Variants in SPMIP4 observed in about 807,000 individuals in gnomAD.
SPMIP4 encodes the protein sperm-associated microtubule inner protein 4.
At chr7:25,128,216 TTA>T in the SPMIP4 span, among the ~76,000 whole-genome samples, 1 of 152,202 alleles carries the variant, frequency 6.6e-6, no homozygotes, top group African/African-American at 2.4e-5. The surrounding 1 kb of genome is among the most constrained non-coding windows in gnomAD (Gnocchi z 4.5). Context: ...CTACAGTAGC[TTA>T]TGTTTCCTCA....
the SPMIP4 span, among the ~76,000 whole-genome samples, chr7:25,178,172 T>A: frequency 2.6e-5 from 4 of 152,242 alleles, no homozygotes. Context: ...TATTCCATGG[T>A]GTATATGTAC....
At chr7:25,168,344 G>A in the SPMIP4 span, 53,144 of 1,611,934 alleles carry the variant, frequency 0.033, 1,443 homozygotes, top group East Asian at 0.16. Flanking sequence ...CCCATGACAC[G>A]AGGAGGCTCA....
chr7:25,170,469 T>C, the SPMIP4 span, among the ~76,000 whole-genome samples: 1 of 152,246 alleles, frequency 6.6e-6, no homozygotes, highest in East Asian at 1.9e-4. Flanking sequence ...TTTTCTCCTG[T>C]TCTGTGCAAT....
the SPMIP4 span, among the ~76,000 whole-genome samples, chr7:25,145,989 A>T: frequency 6.6e-6 from 1 of 152,084 alleles, no homozygotes; most frequent in African/African-American, 2.4e-5. Context: ...AGGGGAGGTT[A>T]AAAGGTTTAC....
At chr7:25,135,995 T>C in the SPMIP4 span, 11 of 1,606,750 alleles carry the variant, frequency 6.8e-6, no homozygotes, top group Non-Finnish European at 8.5e-7. Flanking sequence ...TAATAGGAAT[T>C]ATGGCCATAG....
the SPMIP4 span, among the ~76,000 whole-genome samples, chr7:25,159,669 G>A: frequency 6.6e-6 from 1 of 152,154 alleles, no homozygotes; most frequent in African/African-American, 2.4e-5. Context: ...ATCCTGTAAT[G>A]TATTATAAAC....
chr7:25,150,193 C>T, the SPMIP4 span, among the ~76,000 whole-genome samples: 1 of 152,004 alleles, frequency 6.6e-6, no homozygotes, highest in Non-Finnish European at 1.5e-5. Flanking sequence ...AGGATGGCTG[C>T]CAAGGAATGT....
chr7:25,141,345 G>C, the SPMIP4 span, among the ~76,000 whole-genome samples: 1 of 152,032 alleles, frequency 6.6e-6, no homozygotes, highest in East Asian at 1.9e-4. Context: ...AGGCCGAGGC[G>C]GGCGAATCAC....
At chr7:25,147,626 T>C in the SPMIP4 span, among the ~76,000 whole-genome samples, 1 of 152,194 alleles carries the variant, frequency 6.6e-6, no homozygotes, top group African/African-American at 2.4e-5. Context: ...ACTGTTAACA[T>C]GAAGCCCCGG....
At chr7:25,152,753 T>TTG in the SPMIP4 span, among the ~76,000 whole-genome samples, 3 of 149,438 alleles carry the variant, frequency 2.0e-5, no homozygotes, top group Admixed American at 6.6e-5. Flanking sequence ...TCTCTCTTTT[T>TTG]TTTTTTTTTT....
the SPMIP4 span, chr7:25,161,114 A>G: frequency 2.3e-6 from 2 of 864,624 alleles, no homozygotes; most frequent in Middle Eastern, 2.4e-4. Flanking sequence ...TTGGGGCTTT[A>G]AAAATGTCTC....
the SPMIP4 span, among the ~76,000 whole-genome samples, chr7:25,178,560 A>G: frequency 4.6e-5 from 7 of 152,334 alleles, no homozygotes; most frequent in South Asian, 1.4e-3. Flanking sequence ...TACTATTTAT[A>G]AAAGTCTTTG....
chr7:25,134,679 T>C, the SPMIP4 span: 1 of 985,988 alleles, frequency 1.0e-6, no homozygotes, highest in Non-Finnish European at 1.2e-6. Context: ...AGGAGTGCAA[T>C]CAAAACCTCA....
At chr7:25,159,555 T>C in the SPMIP4 span, among the ~76,000 whole-genome samples, 2 of 152,230 alleles carry the variant, frequency 1.3e-5, no homozygotes, top group Non-Finnish European at 2.9e-5. Flanking sequence ...ATCAATTTGA[T>C]AGTAAAAGTC....
chr7:25,153,052 T>C, the SPMIP4 span, among the ~76,000 whole-genome samples: 1 of 152,072 alleles, frequency 6.6e-6, no homozygotes, highest in African/African-American at 2.4e-5. Context: ...CCCATGCTTC[T>C]TAGTTCTAAT....
chr7:25,136,064 T>C, the SPMIP4 span: 44 of 1,614,012 alleles, frequency 2.7e-5, 2 homozygotes, highest in South Asian at 4.4e-4. This position sits in a 1 kb window ranked among gnomAD's most constrained non-coding sequence, Gnocchi z 5.7. Flanking sequence ...TCTTCTAGAA[T>C]TGATTTATGG....
chr7:25,165,093 A>G, the SPMIP4 span, among the ~76,000 whole-genome samples: 1 of 152,160 alleles, frequency 6.6e-6, no homozygotes, highest in East Asian at 1.9e-4. Flanking sequence ...TGTGTGTACA[A>G]GTGTCTTTTT....
chr7:25,131,846 G>A, the SPMIP4 span, among the ~76,000 whole-genome samples: 2 of 152,212 alleles, frequency 1.3e-5, no homozygotes, highest in African/African-American at 4.8e-5. This position sits in a 1 kb window ranked among gnomAD's most constrained non-coding sequence, Gnocchi z 4.2. Flanking sequence ...ACAATGGCAA[G>A]CCTTTAGCCT....
chr7:25,171,108 A>G, the SPMIP4 span, among the ~76,000 whole-genome samples: 5 of 152,240 alleles, frequency 3.3e-5, no homozygotes, highest in Admixed American at 3.3e-4. Flanking sequence ...GCACTATTCT[A>G]TTCAATTGTT....
Sources: gnomAD v4.1 joint callset for allele counts (sites outside exome capture counted in the v4.1 genomes callset) on GRCh38, gnomAD v4.1.1 for gene constraint, Gnocchi (gnomAD v3.1) non-coding constraint, MANE v1.5 for transcripts, NCBI Gene and HGNC (gene_info 2026-07-23, HGNC 2026-07-21) for gene names.